Variants in SLC2A9 observed in about 807,000 individuals in gnomAD.
SLC2A9 encodes solute carrier family 2 member 9, also known as solute carrier family 2, facilitated glucose transporter member 9.
SLC2A9 carries 39 observed loss-of-function variants against 50.6 expected under a neutral mutation model. That is an observed-to-expected ratio of 0.77 (90% confidence interval 0.60 to 1.01). SLC2A9 has a LOEUF of 1.01. Among genes scored for constraint, SLC2A9 ranks in the 50% least tolerant of loss-of-function variants. The pLI is 0.00. For synonymous variants in SLC2A9, 324 were observed against 276.9 expected, an observed-to-expected ratio of 1.17 and a Z score of -1.69; for missense variants, 686 against 677.6, an observed-to-expected ratio of 1.01 and a Z score of -0.14.
intron 5 of SLC2A9, among the ~76,000 whole-genome samples, chr4:9,959,720 T>C (rs191353294): frequency 9.2e-5 from 14 of 152,310 alleles, no homozygotes; most frequent in Admixed American, 2.6e-4. Flanking sequence ...GAAATATGAA[T>C]ACTTTTCCTT....
intron 2 of SLC2A9, among the ~76,000 whole-genome samples, chr4:10,016,052 G>C (rs1373381723): frequency 6.6e-6 from 1 of 152,114 alleles, no homozygotes; most frequent in African/African-American, 2.4e-5. Context: ...GCTTGCTCTG[G>C]GCTCCTCTAA....
At chr4:9,810,794 C>T (rs187203131) in intron 3 of SLC2A9, among the ~76,000 whole-genome samples, 207 of 152,282 alleles carry the variant, frequency 1.4e-3, no homozygotes, top group African/African-American at 4.7e-3. Flanking sequence ...AAGGAGAGAT[C>T]GGACAGGTTG....
intron 10 of SLC2A9, among the ~76,000 whole-genome samples, chr4:9,852,443 G>A (rs917611141): frequency 7.9e-5 from 12 of 151,548 alleles, no homozygotes; most frequent in African/African-American, 2.4e-4. Flanking sequence ...TAGTAGAGAC[G>A]GGGTTTCACC....
At chr4:9,905,674 T>C (rs1364176092) in intron 8 of SLC2A9, among the ~76,000 whole-genome samples, 2 of 152,228 alleles carry the variant, frequency 1.3e-5, no homozygotes, top group East Asian at 1.9e-4. Flanking sequence ...TTCTGGAGTC[T>C]GGAATGAATA....
In SLC2A9 at chr4:9,833,921, T is replaced by G. The variant is rs371115525; in HGVS notation, c.1419+960A>C. On this transcript the variant is annotated intron_variant, in intron 11 of 11. Coordinates refer to ENST00000264784, the MANE Select transcript of SLC2A9 (RefSeq NM_020041.3). The stretch of plus-strand genomic sequence containing the variant: ...AGCTTCATCCTCCTTCTGCAAATGC[T>G]TCTGGGCCCCTTGCTCTGTGCAGAA... Among the ~76,000 whole-genome samples, 181 of 152,276 alleles carry G rather than the reference T, an allele frequency of 1.2e-3. 1 individual carries two copies. The highest frequency in any genetic ancestry group is 4.1e-3 in the African/African-American group (172 of 41,548).
At position 9,980,644 on chromosome 4, in the gene SLC2A9, C is replaced by T. The variant is rs1755572964; in HGVS notation, c.629G>A (p.Cys210Tyr). ...AAGCTGCCCAGTGAACACGCCAATG[C>T]AGATAAAGATGGCAGTCACCTGCCC... ...SLGQVTAIFICIGVFTGQLLG... is the reference protein window; with the variant it reads ...SLGQVTAIFIYIGVFTGQLLG... Residue 210 changes from cysteine to tyrosine, a missense_variant, in exon 5 of 12, where the codon TGC becomes TAC. Physicochemically the swap from Cys to Tyr is radical, Grantham distance 194. Transcript: ENST00000264784. 6.2e-7 allele frequency: 1 copy of T among 1,614,164 alleles called. No individual in the cohort carries two copies.
chr4:10,016,363 G>T (rs901048125), intron 2 of SLC2A9, among the ~76,000 whole-genome samples: 1 of 152,204 alleles, frequency 6.6e-6, no homozygotes, highest in Non-Finnish European at 1.5e-5. Flanking sequence ...TTCGTCATCT[G>T]TAAAATGGGG....
intron 10 of SLC2A9, among the ~76,000 whole-genome samples, chr4:9,856,510 G>A (rs1347058989): frequency 6.6e-6 from 1 of 152,172 alleles, no homozygotes; most frequent in Non-Finnish European, 1.5e-5. Flanking sequence ...CTTATATACT[G>A]TTGGTGGGAA....
intron 2 of SLC2A9, among the ~76,000 whole-genome samples, chr4:10,018,240 G>A (rs1046723697): frequency 3.3e-5 from 5 of 152,198 alleles, no homozygotes; most frequent in South Asian, 2.1e-4. Context: ...GCCTCTGGTT[G>A]TAATTTAAAG....
At chr4:9,931,189 AC>A (rs1194595199) in intron 6 of SLC2A9, among the ~76,000 whole-genome samples, 3 of 152,102 alleles carry the variant, frequency 2.0e-5, no homozygotes, top group Admixed American at 2.0e-4. Context: ...TCCAAGCCCT[AC>A]CCCCTGAATG....
chr4:9,840,482 GAAT>G (rs925411215), intron 10 of SLC2A9, among the ~76,000 whole-genome samples: 6 of 152,002 alleles, frequency 3.9e-5, no homozygotes, highest in African/African-American at 1.5e-4. Flanking sequence ...TGACTTTCAT[GAAT>G]AATATTTGCT....
rs747613987 is a variant in SLC2A9 at position 9,941,913 on chromosome 4, C to T, written c.814G>A (p.Ala272Thr). ...GTGCAGGAAAGGGAAGGGCCCTCAC[C>T]TTTCACAGCTCTTGCCTCGTTGTGC... Reference protein sequence around the residue: ...EKHNEARAVKAFQTFLGKADV... With the variant: ...EKHNEARAVKTFQTFLGKADV... The change falls in exon 6 of 12, where the codon GCC (alanine) becomes ACC (threonine). Residue 272 changes from alanine to threonine, a missense_variant and splice_region_variant. Coordinates refer to ENST00000264784, the MANE Select transcript of SLC2A9 (RefSeq NM_020041.3). 1.9e-6 allele frequency: 3 copies of T among 1,614,044 alleles called. No individual in the cohort carries two copies. The highest frequency in any genetic ancestry group is 2.5e-6 in the Non-Finnish European group (3 of 1,179,956).
intron 5 of SLC2A9, among the ~76,000 whole-genome samples, chr4:9,963,087 G>A (rs757889598): frequency 2.6e-5 from 4 of 152,190 alleles, no homozygotes; most frequent in Non-Finnish European, 4.4e-5. Context: ...ACATGGCTGG[G>A]AAGATCTCAC....
downstream of SLC2A9, among the ~76,000 whole-genome samples, chr4:9,796,436 A>C (rs1184256498): frequency 1.3e-5 from 2 of 152,232 alleles, no homozygotes. Context: ...GATTGACAAG[A>C]TGCCTCAATT....
intron 4 of SLC2A9, among the ~76,000 whole-genome samples, chr4:9,981,185 GGTA>G (rs1755711933): frequency 5.1e-4 from 2 of 3,920 alleles, no homozygotes; most frequent in African/African-American, 1.7e-3. Flanking sequence ...TGGTGGTGGT[GGTA>G]GTGATGGTCA....
At chr4:9,785,189 C>T (rs770284189) in intron 3 of SLC2A9, among the ~76,000 whole-genome samples, 3 of 152,172 alleles carry the variant, frequency 2.0e-5, no homozygotes, top group African/African-American at 7.2e-5. Context: ...GTCAATTAAC[C>T]TTTCTGGGCC....
chr4:9,943,143 T>C (rs1412514125), intron 5 of SLC2A9, among the ~76,000 whole-genome samples: 3 of 151,994 alleles, frequency 2.0e-5, no homozygotes, highest in African/African-American at 7.2e-5. Flanking sequence ...CAAGACTCGC[T>C]CCCTACTGAG....
At chr4:9,791,592 T>A (rs1719925680) in intron 3 of SLC2A9, among the ~76,000 whole-genome samples, 1 of 152,204 alleles carries the variant, frequency 6.6e-6, no homozygotes, top group Non-Finnish European at 1.5e-5. Context: ...ACAGGCTTTT[T>A]TGTTCTGATA....
At chr4:9,980,309 T>C (rs922403057) in intron 5 of SLC2A9, among the ~76,000 whole-genome samples, 1 of 152,240 alleles carries the variant, frequency 6.6e-6, no homozygotes, top group Admixed American at 6.5e-5. Context: ...TATAGGTTTT[T>C]AAAGCACAGA....
Sources: allele counts gnomAD v4.1 joint callset (sites outside exome capture counted in the v4.1 genomes callset), GRCh38; gene constraint gnomAD v4.1.1; transcripts MANE v1.5; gene names NCBI Gene and HGNC (gene_info 2026-07-23, HGNC 2026-07-21).